Variants in ATP2B4 observed in about 807,000 individuals in gnomAD.
The protein encoded by ATP2B4 is plasma membrane calcium-transporting ATPase 4.
Under a neutral mutation model 110.3 loss-of-function variants are expected in ATP2B4, and 39 were observed. That is an observed-to-expected ratio of 0.35 (90% CI 0.27 to 0.46). ATP2B4 has a LOEUF of 0.46. Ranked by LOEUF, ATP2B4 falls within the 20% of genes least tolerant of loss-of-function variation. The probability of loss-of-function intolerance (pLI) is 1.00; values close to 1 mark genes in which losing one functional copy is unlikely to be tolerated. For synonymous variants in ATP2B4, 538 were observed against 571.7 expected (o/e 0.94, Z 0.84); for missense variants, 1,135 against 1,530.9 (o/e 0.74, Z 4.32).
intron 20 of ATP2B4, among the ~76,000 whole-genome samples, chr1:203,732,736 G>A (rs942587056): frequency 6.6e-6 from 1 of 151,608 alleles, no homozygotes; most frequent in African/African-American, 2.4e-5. Flanking sequence ...GGTAAAAAGG[G>A]GCCTGTAGGT....
chr1:203,732,604 T>C (rs569742843), intron 20 of ATP2B4, among the ~76,000 whole-genome samples: 7 of 152,256 alleles, frequency 4.6e-5, no homozygotes, highest in African/African-American at 1.7e-4. Context: ...GTTATTTTCC[T>C]GGAAAATCCG....
chr1:203,667,284 C>G (rs1558023904), intron 1 of ATP2B4, among the ~76,000 whole-genome samples: 1 of 152,146 alleles, frequency 6.6e-6, no homozygotes, highest in Non-Finnish European at 1.5e-5. Flanking sequence ...GGACAGAAGC[C>G]CGTGATCTAC....
rs752876520 is a variant in ATP2B4, at chr1:203,683,267, A to T, written c.62A>T (p.Asp21Val). 2.5e-6 allele frequency: 4 copies of T among 1,613,890 alleles called. No individual in the cohort carries two copies. The highest frequency in any genetic ancestry group is 3.4e-6 in the Non-Finnish European group (4 of 1,180,006). Residue 21 changes from aspartate (D) to valine (V), a missense_variant, in exon 2 of 21, where the codon GAC becomes GTC. By Grantham distance (152) the Asp-to-Val change is radical. Around this residue, in one of 9 missense-constraint regions of ATP2B4, gnomAD observed 122 missense variants for 125.2 expected, o/e 0.97. Transcript: ENST00000357681. ...ANSMAESREG[D>V]FGCTVMELRK... ...TCGATGGCCGAGAGCCGTGAAGGGG[A>T]CTTTGGCTGCACAGTAATGGAACTG...
intron 1 of ATP2B4, among the ~76,000 whole-genome samples, chr1:203,664,201 C>A (rs1233937612): frequency 6.6e-6 from 1 of 152,210 alleles, no homozygotes; most frequent in Non-Finnish European, 1.5e-5. Flanking sequence ...GCTGACACCA[C>A]TTAAAAAGGA....
At chr1:203,665,216 C>T (rs1330594513) in intron 1 of ATP2B4, among the ~76,000 whole-genome samples, 1 of 152,246 alleles carries the variant, frequency 6.6e-6, no homozygotes, top group Non-Finnish European at 1.5e-5. Context: ...CCCAAACCAC[C>T]TCCTTACCTG....
intron 20 of ATP2B4, chr1:203,729,713 G>A: frequency 7.4e-7 from 1 of 1,347,152 alleles, no homozygotes; most frequent in Non-Finnish European, 9.9e-7. Context: ...GGTGCTTCCT[G>A]GGGAGCCCTG....
chr1:203,631,739 C>A (rs1663274349), intron 1 of ATP2B4, among the ~76,000 whole-genome samples: 1 of 152,130 alleles, frequency 6.6e-6, no homozygotes, highest in Non-Finnish European at 1.5e-5. Flanking sequence ...AGGAATTTAT[C>A]CAGAAGGTGC....
intron 1 of ATP2B4, among the ~76,000 whole-genome samples, chr1:203,672,074 C>G (rs1412999904): frequency 6.6e-6 from 1 of 152,220 alleles, no homozygotes; most frequent in African/African-American, 2.4e-5. Flanking sequence ...GTGGCTTTGT[C>G]TCTTATCCGT....
intron 20 of ATP2B4, among the ~76,000 whole-genome samples, chr1:203,731,131 C>T (rs1033645440): frequency 1.3e-5 from 2 of 152,092 alleles, no homozygotes; most frequent in Non-Finnish European, 2.9e-5. Context: ...AGCTGGAACC[C>T]CCGCACCCAC....
At chr1:203,638,682 T>C (rs1663537352) in intron 1 of ATP2B4, among the ~76,000 whole-genome samples, 1 of 151,924 alleles carries the variant, frequency 6.6e-6, no homozygotes, top group South Asian at 2.1e-4. Flanking sequence ...ACTGCAACAC[T>C]GTGTGACCAG....
intron 20 of ATP2B4, among the ~76,000 whole-genome samples, chr1:203,736,472 C>T (rs897568358): frequency 7.0e-6 from 1 of 143,154 alleles, no homozygotes; most frequent in Non-Finnish European, 1.5e-5. Context: ...CCATCCCCCC[C>T]AAAAAAAAAA....
In ATP2B4 at chr1:203,742,832, C is replaced by G. The variant is rs763416177; in HGVS notation, c.*2978C>G. On this transcript the variant is annotated 3_prime_UTR_variant, in exon 21 of 21. Transcript: ENST00000357681. The stretch of plus-strand genomic sequence containing the variant: ...TTTCATGGTTTTTATTTCCTGTTCC[C>G]CCTGGAGTTTTCCATTAGTGAGTTT... The G allele has an allele frequency of 6.6e-6, 1 of 152,258 alleles. No individual in the cohort carries two copies. The highest frequency in any genetic ancestry group is 1.9e-4 in the East Asian group (1 of 5,204). The allele number at this position is 152,258 out of a possible 1,614,324, so 9.4% of individuals were successfully genotyped here. A position where few individuals can be genotyped will look rare whatever the true frequency, so the allele number is the denominator to read the frequency against.
chr1:203,688,100 T>C (rs1048012875), intron 2 of ATP2B4, among the ~76,000 whole-genome samples: 1 of 151,530 alleles, frequency 6.6e-6, no homozygotes. Context: ...CTCGGCTCAC[T>C]GCAACCTCCG....
chr1:203,694,216 G>A (rs949331655), intron 2 of ATP2B4, among the ~76,000 whole-genome samples: 1 of 152,208 alleles, frequency 6.6e-6, no homozygotes, highest in Non-Finnish European at 1.5e-5. Flanking sequence ...AAATTTGTGT[G>A]TGTACAATGT....
chr1:203,659,164 C>A (rs1157784024), intron 1 of ATP2B4, among the ~76,000 whole-genome samples: 1 of 151,660 alleles, frequency 6.6e-6, no homozygotes, highest in Non-Finnish European at 1.5e-5. Context: ...AACTTCCAAA[C>A]TAGCAGAGGG....
rs188822798 is a variant in ATP2B4, at chr1:203,661,404, G to A, written c.-464-21338G>A. 3.3e-4 allele frequency among the ~76,000 whole-genome samples: 51 copies of A among 152,246 alleles called. 3 individuals are homozygous for A. In the East Asian group the frequency reaches 5.2e-3, roughly 16 times the overall value. ...GGAGTGATACGACCCATTTCCCAAG[G>A]TTGTTGAGAGGATCAAATGAGATAC... is the stretch of plus-strand genomic sequence containing the variant. On this transcript the variant is annotated intron_variant, in intron 1 of 20. Coordinates refer to ENST00000357681, the MANE Select transcript of ATP2B4 (RefSeq NM_001684.5).
At chr1:203,666,646 C>T (rs537187471) in intron 1 of ATP2B4, among the ~76,000 whole-genome samples, 3 of 152,148 alleles carry the variant, frequency 2.0e-5, no homozygotes, top group Non-Finnish European at 4.4e-5. Context: ...CCTTATAATC[C>T]TACAAATGAG....
intron 14 of ATP2B4, 126 bp from the exon 15 acceptor site, chr1:203,714,045 T>C: frequency 1.1e-6 from 1 of 879,502 alleles, no homozygotes; most frequent in Non-Finnish European, 1.8e-6. Context: ...CCTTAGGTGG[T>C]TCCTGTAGAA....
intron 1 of ATP2B4, among the ~76,000 whole-genome samples, chr1:203,660,097 A>AAAAGAAAG (rs1553245083): frequency 1.7e-5 from 2 of 120,652 alleles, no homozygotes; most frequent in African/African-American, 6.2e-5. Context: ...AAAAAAAAAA[A>AAAAGAAAG]AAAGAAAGAA....
Sources: gnomAD v4.1 joint callset for allele counts (sites outside exome capture counted in the v4.1 genomes callset) on GRCh38, gnomAD v4.1.1 for gene constraint, gnomAD v4.1.1 regional missense constraint, MANE v1.5 for transcripts, NCBI Gene and HGNC (gene_info 2026-07-23, HGNC 2026-07-21) for gene names.